CHRM3: variants seen among roughly 807,000 people sequenced by gnomAD.
CHRM3 encodes cholinergic receptor muscarinic 3, also known as muscarinic acetylcholine receptor M3.
Under a neutral mutation model 41.8 loss-of-function variants are expected in CHRM3, and 11 were observed. The observed-to-expected ratio is 0.26, with a 90% CI of 0.17 to 0.44. CHRM3 has a LOEUF of 0.44. CHRM3 is among the 20% of genes least tolerant of loss of function. The pLI, the probability that CHRM3 is intolerant of heterozygous loss-of-function variation, is 1.00. For synonymous variants in CHRM3, 297 were observed against 301.4 expected, an observed-to-expected ratio of 0.99 and a Z score of 0.15; for missense variants, 571 against 745.4, an observed-to-expected ratio of 0.77 and a Z score of 2.72.
chr1:239,767,826 C>T (rs1667342451), intron 5 of CHRM3, among the ~76,000 whole-genome samples: 1 of 152,264 alleles, frequency 6.6e-6, no homozygotes, highest in South Asian at 2.1e-4. Flanking sequence ...TTTTCCATTA[C>T]ACCTGAGTTT....
intron 3 of CHRM3, chr1:239,606,240 A>G (rs1666229985): frequency 6.6e-6 from 1 of 151,348 alleles, no homozygotes. Flanking sequence ...AACTTAATTA[A>G]GTACATGTTT....
chr1:239,715,527 G>T (rs1558480663), intron 5 of CHRM3, among the ~76,000 whole-genome samples: 4 of 152,084 alleles, frequency 2.6e-5, no homozygotes, highest in Non-Finnish European at 4.4e-5. Flanking sequence ...ATTGAATGCA[G>T]ATTTGAGAAG....
chr1:239,517,771 G>A (rs926191934), intron 2 of CHRM3, among the ~76,000 whole-genome samples: 1 of 152,064 alleles, frequency 6.6e-6, no homozygotes, highest in Non-Finnish European at 1.5e-5. Context: ...GATTGCCTTT[G>A]TCTTATATAT....
At chr1:239,650,307 C>T (rs1348864294) in intron 4 of CHRM3, among the ~76,000 whole-genome samples, 1 of 152,178 alleles carries the variant, frequency 6.6e-6, no homozygotes, top group Non-Finnish European at 1.5e-5. Flanking sequence ...TATGTCATGG[C>T]CTGCCAAGGT....
At chr1:239,555,003 CA>C (rs905406399) in intron 3 of CHRM3, among the ~76,000 whole-genome samples, 2 of 152,278 alleles carry the variant, frequency 1.3e-5, no homozygotes, top group Admixed American at 1.3e-4. Context: ...GCTGGGATTA[CA>C]GGCGTAAGCC....
intron 5 of CHRM3, among the ~76,000 whole-genome samples, chr1:239,758,981 G>C (rs921226048): frequency 3.3e-5 from 5 of 152,152 alleles, no homozygotes; most frequent in Non-Finnish European, 4.4e-5. Flanking sequence ...TAAGAAGTAA[G>C]AGAATCAGCA....
intron 2 of CHRM3, among the ~76,000 whole-genome samples, chr1:239,526,683 G>T (rs1439657604): frequency 6.6e-6 from 1 of 152,148 alleles, no homozygotes; most frequent in East Asian, 1.9e-4. Flanking sequence ...TAGCGAAAAA[G>T]AGCTCTTTTT....
At chr1:239,896,195 G>T (rs983384913) in intron 6 of CHRM3, among the ~76,000 whole-genome samples, 1 of 152,158 alleles carries the variant, frequency 6.6e-6, no homozygotes, top group Non-Finnish European at 1.5e-5. Context: ...GGGGACATAG[G>T]CTCTTCCCTC....
chr1:239,584,420 A>T (rs1424755116), intron 3 of CHRM3, among the ~76,000 whole-genome samples: 1 of 152,080 alleles, frequency 6.6e-6, no homozygotes, highest in Non-Finnish European at 1.5e-5. Context: ...TAGAATAATT[A>T]TTTTGAGCGG....
At chr1:239,415,304 G>A (rs1232393888) in intron 1 of CHRM3, among the ~76,000 whole-genome samples, 1 of 152,124 alleles carries the variant, frequency 6.6e-6, no homozygotes, top group East Asian at 1.9e-4. Flanking sequence ...GCCAGGCATG[G>A]TGGCACGTGC....
intron 5 of CHRM3, among the ~76,000 whole-genome samples, chr1:239,826,110 C>A (rs745877634): frequency 1.3e-5 from 2 of 152,140 alleles, no homozygotes; most frequent in Non-Finnish European, 2.9e-5. Flanking sequence ...AGATGAAAAA[C>A]ATTCTAGGGA....
chr1:239,402,764 C>T (rs1203778684), intron 1 of CHRM3, among the ~76,000 whole-genome samples: 1 of 152,178 alleles, frequency 6.6e-6, no homozygotes, highest in Admixed American at 6.6e-5. Context: ...ACAGGATGCT[C>T]AAGTCTCTTG....
chr1:239,448,714 G>A (rs941314289), intron 1 of CHRM3, among the ~76,000 whole-genome samples: 14 of 152,052 alleles, frequency 9.2e-5, no homozygotes, highest in African/African-American at 3.4e-4. Flanking sequence ...TAGTTACAAG[G>A]CAATTTAAAA....
intron 5 of CHRM3, among the ~76,000 whole-genome samples, chr1:239,785,848 C>G (rs1046734523): frequency 1.3e-5 from 2 of 152,078 alleles, no homozygotes; most frequent in Admixed American, 6.6e-5. Flanking sequence ...GCAAATTCTT[C>G]CTGCTTGGAT....
chr1:239,556,883 T>A (rs1192858606), intron 3 of CHRM3, among the ~76,000 whole-genome samples: 1 of 152,186 alleles, frequency 6.6e-6, no homozygotes, highest in East Asian at 1.9e-4. Context: ...AGCAAATGCG[T>A]GTTCGTTAAA....
intron 5 of CHRM3, among the ~76,000 whole-genome samples, chr1:239,813,544 A>G (rs139240105): frequency 2.4e-3 from 358 of 152,188 alleles, no homozygotes; most frequent in African/African-American, 8.0e-3. Flanking sequence ...GCAAATATAT[A>G]TCTTCTACTC....
Position 239,836,955 on chromosome 1 carries a change from C to T in CHRM3, c.-20+9577C>T, listed in dbSNP as rs1418271293. On this transcript the variant is annotated intron_variant, in intron 6 of 6. Transcript: ENST00000676153. ...GCACCACTGCACTCCAGCCTGGCAA[C>T]AGAGCAAGACTCTGTCTTAAAAAAA... Among the ~76,000 whole-genome samples, 3 of 143,090 alleles carry T rather than the reference C, an allele frequency of 2.1e-5. No homozygotes were observed. In the East Asian group the frequency reaches 6.1e-4, roughly 29 times the overall value. 93.9% of individuals were successfully genotyped at this position (143,090 alleles called of 152,430 possible).
chr1:239,668,737 C>A (rs1174973572), intron 4 of CHRM3, among the ~76,000 whole-genome samples: 1 of 152,122 alleles, frequency 6.6e-6, no homozygotes, highest in Non-Finnish European at 1.5e-5. Flanking sequence ...TTCTGTAGAG[C>A]AGAATTCTAA....
At chr1:239,857,649 C>T (rs927628792) in intron 6 of CHRM3, among the ~76,000 whole-genome samples, 1 of 152,062 alleles carries the variant, frequency 6.6e-6, no homozygotes, top group Non-Finnish European at 1.5e-5. Context: ...GATTATTTAG[C>T]GATGCCAGAG....
Sources: allele counts gnomAD v4.1 joint callset (sites outside exome capture counted in the v4.1 genomes callset), GRCh38; gene constraint gnomAD v4.1.1; transcripts MANE v1.5; gene names NCBI Gene and HGNC (gene_info 2026-07-23, HGNC 2026-07-21).